Variants in CCDC47 observed in about 807,000 individuals in gnomAD.
The protein encoded by CCDC47 is PAT complex subunit CCDC47.
Under a neutral mutation model 60.5 loss-of-function variants are expected in CCDC47, and 41 were observed. That is an observed-to-expected ratio of 0.68 (90% CI 0.53 to 0.88). CCDC47 has a LOEUF of 0.88. Ranked by LOEUF, CCDC47 falls within the 40% of genes least tolerant of loss-of-function variation. The pLI is 0.00. For missense variants in CCDC47, 513 were observed against 580.9 expected, an observed-to-expected ratio of 0.88 and a Z score of 1.20; for synonymous variants, 195 against 190.7, an observed-to-expected ratio of 1.02 and a Z score of -0.18.
intron 4 of CCDC47, 99 bp from the exon 5 acceptor site, chr17:63,761,450 G>A: frequency 7.5e-7 from 1 of 1,333,578 alleles, no homozygotes; most frequent in East Asian, 2.4e-5. Context: ...GGGAGGCTGA[G>A]GTGGGTGGAT....
Position 63,764,832 on chromosome 17 carries a change from T to C in CCDC47, c.280A>G (p.Ser94Gly). ...DADTQEGDTE[S>G]EPYDDEEFEG... ...AATTCTTCATCATCATATGGTTCAC[T>C]CTCAGTATCTCCCTCCTACAAAAAT... The change falls in exon 3 of 13, where the codon AGT (serine) becomes GGT (glycine). Residue 94 changes from serine to glycine, a missense_variant. By Grantham distance (56) the Ser-to-Gly change is moderately conservative (BLOSUM62 0). Transcript: ENST00000225726. 6.2e-7 allele frequency: 1 copy of C among 1,612,404 alleles called. No individual in the cohort carries two copies. The highest frequency in any genetic ancestry group is 8.5e-7 in the Non-Finnish European group (1 of 1,179,566).
chr17:63,763,847 A>T (rs1338831767), intron 4 of CCDC47, among the ~76,000 whole-genome samples, 169 bp downstream of exon 4: 1 of 151,256 alleles, frequency 6.6e-6, no homozygotes, highest in Non-Finnish European at 1.5e-5. Flanking sequence ...TAATAATAAA[A>T]TTAAATTAAA....
chr17:63,766,186 G>GA lies in CCDC47; in HGVS notation c.-12dup. 1 of 1,583,234 alleles carries GA rather than the reference G, an allele frequency of 6.3e-7. No individual in the cohort carries two copies. The highest frequency in any genetic ancestry group is 8.6e-7 in the Non-Finnish European group (1 of 1,169,374). ...GTGGAAGGCTTTCATTGCACCTTGA[G>GA]AAAAAAAGCTTAAAAAAAAAGAGAA... On this transcript the variant is annotated 5_prime_UTR_variant, in exon 2 of 13. Coordinates refer to ENST00000225726, the MANE Select transcript of CCDC47 (RefSeq NM_020198.3).
At chr17:63,757,967 G>C (rs112979248) in intron 6 of CCDC47, among the ~76,000 whole-genome samples, 1,800 of 152,176 alleles carry the variant, frequency 0.012, 19 homozygotes, top group Middle Eastern at 0.02. Context: ...TGAAAGAGAG[G>C]GAGGACGAAA....
chr17:63,761,454 G>C (rs2039259889), intron 4 of CCDC47, 103 bp from the exon 5 acceptor site: 1 of 1,272,448 alleles, frequency 7.9e-7, no homozygotes, highest in Admixed American at 1.8e-5. Flanking sequence ...GGCTGAGGTG[G>C]GTGGATCACG....
At chr17:63,755,382 G>T in intron 8 of CCDC47, 1 of 739,354 alleles carries the variant, frequency 1.4e-6, no homozygotes, top group Non-Finnish European at 1.6e-6. Flanking sequence ...CGCTTTGGGA[G>T]GCCAAGGTGG....
At chr17:63,771,045 G>GAAGGAAGGAAGGAAGGAAGGAAGGAAGA (rs759971442) in intron 1 of CCDC47, among the ~76,000 whole-genome samples, 8 of 97,834 alleles carry the variant, frequency 8.2e-5, no homozygotes, top group East Asian at 3.4e-4. Context: ...AGGAAGGAAG[G>GAAGGAAGGAAGGAAGGAAGGAAGGAAGA]AAGAAAGAAA....
intron 9 of CCDC47, 68 bp from the exon 10 acceptor site, chr17:63,752,867 C>G: frequency 1.3e-6 from 2 of 1,570,354 alleles, no homozygotes; most frequent in South Asian, 2.3e-5. Context: ...ACAAGTCACC[C>G]AATACACTTA....
At position 63,766,139 on chromosome 17, in the gene CCDC47, C is replaced by G; in HGVS notation, c.37G>C (p.Val13Leu). 17 of 1,613,910 alleles carry G rather than the reference C, an allele frequency of 1.1e-5. No individual in the cohort carries two copies. The highest frequency in any genetic ancestry group is 1.4e-5 in the Non-Finnish European group (17 of 1,179,976). Residue 13 changes from valine to leucine, a missense_variant, in exon 2 of 13, where the codon GTG becomes CTG. Transcript: ENST00000225726. Reference protein sequence around the residue: ...AFHTFCVVLLVFGSVSEAKFD... With the variant: ...AFHTFCVVLLLFGSVSEAKFD... ...TTGGCTTCAGAGACACTCCCAAACA[C>G]CAGAAGGACAACACAGAAAGTGTGG...
At chr17:63,761,050 G>A in intron 5 of CCDC47, 71 bp from the exon 6 acceptor site, 10 of 1,424,834 alleles carry the variant, frequency 7.0e-6, no homozygotes, top group Non-Finnish European at 9.8e-6. Context: ...GGCCTTGAAG[G>A]AGAATCAAAT....
intron 6 of CCDC47, among the ~76,000 whole-genome samples, chr17:63,759,940 T>C (rs956860798): frequency 1.5e-4 from 22 of 151,268 alleles, no homozygotes; most frequent in Non-Finnish European, 2.5e-4. Flanking sequence ...GGCGGACGCC[T>C]GTAGTCCCAG....
intron 4 of CCDC47, chr17:63,762,113 A>C: frequency 1.0e-6 from 1 of 984,964 alleles, no homozygotes; most frequent in Non-Finnish European, 1.2e-6. Flanking sequence ...ACTGGGTCTT[A>C]CTAATGGTAT....
intron 1 of CCDC47, among the ~76,000 whole-genome samples, chr17:63,768,233 G>A (rs967721835): frequency 6.6e-6 from 1 of 152,152 alleles, no homozygotes; most frequent in African/African-American, 2.4e-5. Flanking sequence ...CGCCACAGTA[G>A]GTACTATGCC....
chr17:63,764,120 G>A lies in CCDC47; in HGVS notation c.443C>T (p.Ala148Val). 6.2e-7 allele frequency: 1 copy of A among 1,612,416 alleles called. No individual in the cohort carries two copies. The highest frequency in any genetic ancestry group is 8.5e-7 in the Non-Finnish European group (1 of 1,179,528). ...LEILMVTGLL[A>V]YIMNYIIGKN... ...CCCAATGATGTAATTCATGATATAAGCAAGCAGACCAGTCACCATCAAAAT... is the reference window on the plus strand; with the variant it reads ...CCCAATGATGTAATTCATGATATAAACAAGCAGACCAGTCACCATCAAAAT... The change falls in exon 4 of 13, where the codon GCT becomes GTT. Residue 148 changes from alanine to valine, a missense_variant. Transcript: ENST00000225726.
intron 12 of CCDC47, among the ~76,000 whole-genome samples, chr17:63,749,015 GAAAA>G (rs796080522): frequency 6.8e-5 from 5 of 73,400 alleles, no homozygotes; most frequent in African/African-American, 1.4e-4. Flanking sequence ...TTGTCTCAAA[GAAAA>G]AAAAAAAAAA....
intron 2 of CCDC47, chr17:63,765,155 C>G (rs1031574980): frequency 6.1e-6 from 1 of 164,580 alleles, no homozygotes; most frequent in Non-Finnish European, 1.2e-5. Flanking sequence ...CACACACACA[C>G]GGAGGCAACT....
At chr17:63,753,966 C>T (rs748806036) in intron 9 of CCDC47, among the ~76,000 whole-genome samples, 1 of 152,030 alleles carries the variant, frequency 6.6e-6, no homozygotes, top group Non-Finnish European at 1.5e-5. Flanking sequence ...ATTAGCCGAG[C>T]GTGGTGGTGC....
intron 6 of CCDC47, among the ~76,000 whole-genome samples, chr17:63,757,227 C>A (rs191118269): frequency 6.6e-6 from 1 of 151,164 alleles, no homozygotes; most frequent in East Asian, 1.9e-4. Context: ...GAAAAATTAG[C>A]CAGGCATTGT....
At chr17:63,771,042 AAGG>A (rs1406165529) in intron 1 of CCDC47, among the ~76,000 whole-genome samples, 29 of 99,618 alleles carry the variant, frequency 2.9e-4, no homozygotes, top group African/African-American at 1.1e-3. Flanking sequence ...GGAAGGAAGG[AAGG>A]AAGAAAGAAA....
Sources: gnomAD v4.1 joint callset for allele counts (sites outside exome capture counted in the v4.1 genomes callset) on GRCh38, gnomAD v4.1.1 for gene constraint, MANE v1.5 for transcripts, NCBI Gene and HGNC (gene_info 2026-07-23, HGNC 2026-07-21) for gene names.